The following KAZN variants were observed in gnomAD, a reference collection of about 807,000 sequenced individuals.
KAZN encodes the protein kazrin, periplakin interacting protein, also known as kazrin.
In KAZN, 40 loss-of-function variants were observed where a neutral mutation model predicts 87.4. That is an observed-to-expected ratio of 0.46 (90% CI 0.36 to 0.60). KAZN has a LOEUF of 0.60. Among genes scored for constraint, KAZN ranks in the 20% least tolerant of loss-of-function variants. The pLI is 0.00. For missense variants in KAZN, 898 were observed against 1,073.9 expected (o/e 0.84, Z 2.29); for synonymous variants, 466 against 458.3 (o/e 1.02, Z -0.22).
chr1:14,936,721 A>G (rs931541497), intron 1 of KAZN, among the ~76,000 whole-genome samples: 6 of 152,158 alleles, frequency 3.9e-5, no homozygotes, highest in Admixed American at 3.3e-4. Context: ...CATGGCACTT[A>G]TATTCTGGAA....
intron 2 of KAZN, among the ~76,000 whole-genome samples, chr1:14,293,325 A>C (rs1041602728): frequency 2.0e-5 from 3 of 152,232 alleles, no homozygotes; most frequent in African/African-American, 7.2e-5. Flanking sequence ...TGTAAATGAC[A>C]TGTCCGCATC....
At chr1:14,195,051 A>C (rs1296287168) in intron 2 of KAZN, among the ~76,000 whole-genome samples, 1 of 152,216 alleles carries the variant, frequency 6.6e-6, no homozygotes, top group Admixed American at 6.5e-5. Flanking sequence ...TTCAGCCAAC[A>C]ATCAACCCTT....
At chr1:14,496,518 T>C (rs1022879933) in intron 2 of KAZN, among the ~76,000 whole-genome samples, 1 of 151,940 alleles carries the variant, frequency 6.6e-6, no homozygotes, top group Non-Finnish European at 1.5e-5. Flanking sequence ...GTGTTTCCTT[T>C]GGAGACAAGA....
intron 1 of KAZN, among the ~76,000 whole-genome samples, chr1:14,781,193 G>T (rs1287870160): frequency 2.6e-5 from 4 of 152,212 alleles, no homozygotes; most frequent in Non-Finnish European, 5.9e-5. Flanking sequence ...ATGGTGGCAG[G>T]CACCTGTAGT....
At chr1:14,686,822 A>G (rs1213823590) in intron 1 of KAZN, among the ~76,000 whole-genome samples, 1 of 152,258 alleles carries the variant, frequency 6.6e-6, no homozygotes, top group East Asian at 1.9e-4. Context: ...CTTCCATTTC[A>G]GCCCTGAGTC....
At chr1:14,971,365 G>C (rs1001033266) in intron 2 of KAZN, among the ~76,000 whole-genome samples, 1 of 152,308 alleles carries the variant, frequency 6.6e-6, no homozygotes, top group African/African-American at 2.4e-5. Flanking sequence ...GCCGCGGCAC[G>C]CCAGCCTGGG....
chr1:13,970,688 A>G (rs963406517), intron 1 of KAZN, among the ~76,000 whole-genome samples: 2 of 152,176 alleles, frequency 1.3e-5, no homozygotes, highest in African/African-American at 4.8e-5. Flanking sequence ...ATGTCAAAAC[A>G]TCTCTTTTCC....
chr1:14,757,952 T>C (rs1035886536), intron 1 of KAZN, among the ~76,000 whole-genome samples: 2 of 152,158 alleles, frequency 1.3e-5, no homozygotes, highest in African/African-American at 4.8e-5. Flanking sequence ...AGTGACCCCA[T>C]TGCATTGACT....
At chr1:14,592,347 G>A (rs559689347) in intron 2 of KAZN, among the ~76,000 whole-genome samples, 2 of 152,252 alleles carry the variant, frequency 1.3e-5, no homozygotes, top group African/African-American at 2.4e-5. Flanking sequence ...GGCTCAAAAG[G>A]CTCCTGGCAT....
intron 1 of KAZN, among the ~76,000 whole-genome samples, chr1:14,070,145 G>A (rs1316412541): frequency 1.7e-4 from 18 of 108,924 alleles, no homozygotes; most frequent in Non-Finnish European, 2.7e-4. Flanking sequence ...TTCCAGCTTG[G>A]CGACAGTGCG....
intron 1 of KAZN, among the ~76,000 whole-genome samples, chr1:14,151,278 A>G (rs1184830879): frequency 2.0e-5 from 3 of 152,206 alleles, no homozygotes; most frequent in Non-Finnish European, 4.4e-5. Flanking sequence ...TTAAAAAGAC[A>G]CTAAACTGGT....
Position 14,670,487 on chromosome 1 carries a change from A to G in KAZN, c.226+71264A>G, listed in dbSNP as rs866297229. 1.9e-4 allele frequency among the ~76,000 whole-genome samples: 29 copies of G among 152,268 alleles called. No individual in the cohort carries two copies. In the Middle Eastern group the frequency reaches 0.014, roughly 72 times the overall value. On this transcript the variant is annotated intron_variant, in intron 1 of 14. Coordinates refer to ENST00000376030, the MANE Select transcript of KAZN (RefSeq NM_201628.3). Reference sequence around the variant, plus strand: ...CTGCTCCAGGGGCTACACTTTGAGAACTCAAGGATTCTCAAATGATAGTAT... The same window carrying G: ...CTGCTCCAGGGGCTACACTTTGAGAGCTCAAGGATTCTCAAATGATAGTAT...
At chr1:14,227,317 A>G (rs12724109) in intron 2 of KAZN, among the ~76,000 whole-genome samples, 46,319 of 151,948 alleles carry the variant, frequency 0.3, 7,245 homozygotes, top group East Asian at 0.48. Flanking sequence ...GAAGGAGCAC[A>G]GTGAGAATGG....
chr1:14,123,012 A>G (rs1314726663), intron 1 of KAZN, among the ~76,000 whole-genome samples: 1 of 152,218 alleles, frequency 6.6e-6, no homozygotes, highest in Non-Finnish European at 1.5e-5. Context: ...GGTAGTTGGC[A>G]GAGATAATTT....
At chr1:15,110,549 T>TTGTGTGTGTGTGTG (rs71000365) in intron 13 of KAZN, among the ~76,000 whole-genome samples, 34,473 of 147,646 alleles carry the variant, frequency 0.23, 4,018 homozygotes, top group Middle Eastern at 0.29. Flanking sequence ...GCATATGTGT[T>TTGTGTGTGTGTGTG]TGTGTGTGTG....
At chr1:15,073,810 G>A (rs528639739) in intron 8 of KAZN, among the ~76,000 whole-genome samples, 10 of 152,272 alleles carry the variant, frequency 6.6e-5, no homozygotes, top group African/African-American at 1.4e-4. Context: ...TGCTGGCCTC[G>A]GTCTGGGGCC....
intron 1 of KAZN, among the ~76,000 whole-genome samples, chr1:14,624,616 A>C (rs2148647928): frequency 6.6e-6 from 1 of 152,240 alleles, no homozygotes; most frequent in Admixed American, 6.5e-5. Context: ...ATTTGACAAA[A>C]TCTCCAGCCA....
chr1:15,034,742 T>A lies in KAZN; in HGVS notation c.419-7T>A. ...TCTTGGGAACTAACTCTCTCCTTTA[T>A]CCCCAGCCATGAAAGCTGATCGGAA... is the stretch of plus-strand genomic sequence containing the variant. On this transcript the variant is annotated splice_polypyrimidine_tract_variant and splice_region_variant and intron_variant, in intron 2 of 14. Coordinates refer to ENST00000376030, the MANE Select transcript of KAZN (RefSeq NM_201628.3). 1 of 1,613,972 alleles carries A rather than the reference T, an allele frequency of 6.2e-7. No individual in the cohort carries two copies. The highest frequency in any genetic ancestry group is 8.5e-7 in the Non-Finnish European group (1 of 1,179,954).
intron 2 of KAZN, among the ~76,000 whole-genome samples, chr1:14,555,365 C>T (rs1175794004): frequency 1.3e-5 from 2 of 152,156 alleles, no homozygotes; most frequent in South Asian, 2.1e-4. Context: ...TAGTGATTTG[C>T]CATTGGCACA....
Sources: gnomAD v4.1 joint callset for allele counts (sites outside exome capture counted in the v4.1 genomes callset) on GRCh38, gnomAD v4.1.1 for gene constraint, MANE v1.5 for transcripts, NCBI Gene and HGNC (gene_info 2026-07-23, HGNC 2026-07-21) for gene names.